TUBGCP4: variants seen among roughly 807,000 people sequenced by gnomAD.
TUBGCP4 encodes the protein gamma-tubulin complex component 4.
Under a neutral mutation model 91.6 loss-of-function variants are expected in TUBGCP4, and 54 were observed. The ratio of observed to expected loss-of-function variants is 0.59; its 90% CI spans 0.47 to 0.74. The LOEUF is 0.74. Ranked by LOEUF, TUBGCP4 falls within the 30% of genes least tolerant of loss-of-function variation. The probability of loss-of-function intolerance (pLI) is 0.00; values close to 1 mark genes in which losing one functional copy is unlikely to be tolerated. For missense variants in TUBGCP4, 593 were observed against 800.9 expected, an observed-to-expected ratio of 0.74 and a Z score of 3.13; for synonymous variants, 297 against 302.8, an observed-to-expected ratio of 0.98 and a Z score of 0.20.
chr15:43,406,446 T>C lies in TUBGCP4; in HGVS notation c.*1232T>C, dbSNP rs1228560965. ...CAGGAGCTGGCAAACTATGGCCTGC[T>C]GTCTGTTTTTGTACAGTTTTACTGA... On this transcript the variant is annotated 3_prime_UTR_variant, in exon 18 of 18. Transcript: ENST00000564079. The C allele has an allele frequency of 5.7e-6, 2 of 352,236 alleles. No homozygotes were observed. Among genetic ancestry groups the C allele is most frequent in the South Asian group, 2.3e-5 (1 of 44,006 alleles). 21.8% of individuals were successfully genotyped at this position (352,236 alleles called of 1,614,324 possible). A position where few individuals can be genotyped will look rare whatever the true frequency, so the allele number is the denominator to read the frequency against.
chr15:43,386,577 T>C (rs2044376911), intron 9 of TUBGCP4, among the ~76,000 whole-genome samples: 1 of 147,858 alleles, frequency 6.8e-6, no homozygotes, highest in Non-Finnish European at 1.5e-5. Flanking sequence ...ATACAAAAAT[T>C]AGTCGGGTGT....
chr15:43,382,802 C>A (rs965791705), intron 6 of TUBGCP4, among the ~76,000 whole-genome samples: 1 of 151,970 alleles, frequency 6.6e-6, no homozygotes, highest in African/African-American at 2.4e-5. Context: ...TATCCTATTC[C>A]CCAACAACCA....
intron 6 of TUBGCP4, among the ~76,000 whole-genome samples, chr15:43,381,474 C>T (rs1488241196): frequency 2.6e-5 from 4 of 152,054 alleles, no homozygotes; most frequent in Admixed American, 1.3e-4. Context: ...CGGTGGCTCA[C>T]GCTTGTAATC....
At position 43,404,503 on chromosome 15, in the gene TUBGCP4, C is replaced by G; in HGVS notation, c.1939C>G (p.Arg647Gly). The change falls in exon 17 of 18, where the codon CGA (arginine) becomes GGA (glycine). Residue 647 changes from arginine to glycine, a missense_variant. By Grantham distance (125) the Arg-to-Gly change is moderately radical (BLOSUM62 -2). Coordinates refer to ENST00000564079, the MANE Select transcript of TUBGCP4 (RefSeq NM_014444.5). ...INSDLAQLLLRLDYNKYYTQA... is the reference protein window; with the variant it reads ...INSDLAQLLLGLDYNKYYTQA... The stretch of plus-strand genomic sequence containing the variant: ...CTCAGATTTGGCTCAACTACTGTTA[C>G]GACTAGATTATAACAAATACTATAC... 1 of 1,614,108 alleles carries G rather than the reference C, an allele frequency of 6.2e-7. No homozygotes were observed. The highest frequency in any genetic ancestry group is 2.2e-5 in the East Asian group (1 of 44,872).
intron 17 of TUBGCP4, chr15:43,404,850 T>C: frequency 4.1e-6 from 2 of 487,192 alleles, no homozygotes; most frequent in Non-Finnish European, 7.3e-6. Context: ...TGATATGAAC[T>C]AGCTGTGCAG....
In TUBGCP4 at chr15:43,408,004, C is replaced by T. The variant is rs746192682; in HGVS notation, c.*2790C>T. The T allele has an allele frequency of 7.9e-5, 128 of 1,613,968 alleles. No homozygotes were observed. The Admixed American group carries it at 1.5e-3, about 20-fold the overall frequency. On this transcript the variant is annotated 3_prime_UTR_variant, in exon 18 of 18. Transcript: ENST00000564079. ...AGGCTGCACCACCAGTCATGAGGATCTCAGACCAGAGCTCCAGGAAGTTCT... is the reference window on the plus strand; with the variant it reads ...AGGCTGCACCACCAGTCATGAGGATTTCAGACCAGAGCTCCAGGAAGTTCT...
At position 43,408,643 on chromosome 15, in the gene TUBGCP4, C is replaced by CTT. The variant is rs1394724281; in HGVS notation, c.*3430_*3431dup. 1 of 473,412 alleles carries CTT rather than the reference C, an allele frequency of 2.1e-6. No homozygotes were observed. Among genetic ancestry groups the CTT allele is most frequent in the Admixed American group, 3.3e-5 (1 of 30,026 alleles). The allele number at this position is 473,412 out of a possible 1,614,324, so 29.3% of individuals were successfully genotyped here. On this transcript the variant is annotated 3_prime_UTR_variant, in exon 18 of 18. Coordinates refer to ENST00000564079, the MANE Select transcript of TUBGCP4 (RefSeq NM_014444.5). The stretch of plus-strand genomic sequence containing the variant: ...ATATATTTTTAATGCTTGCTTAAAA[C>CTT]TTAGTTCTCTGACTTTACAGGTTGA...
In TUBGCP4 at chr15:43,407,795, ACTCAC is replaced by A; in HGVS notation, c.*2585_*2589del. On this transcript the variant is annotated 3_prime_UTR_variant, in exon 18 of 18. Transcript: ENST00000564079. The stretch of plus-strand genomic sequence containing the variant: ...TACGTCCAGTGCTTCACTTATGTTG[ACTCAC>A]CTCTTGAAGGTGGTACTTTTCTTCT... 1.2e-6 allele frequency: 1 copy of A among 856,258 alleles called. No individual in the cohort carries two copies. Among genetic ancestry groups the A allele is most frequent in the Non-Finnish European group, 1.8e-6 (1 of 552,502 alleles). The allele number at this position is 856,258 out of a possible 1,614,324, so 53.0% of individuals were successfully genotyped here. A position where few individuals can be genotyped will look rare whatever the true frequency, so the allele number is the denominator to read the frequency against.
chr15:43,390,281 G>T (rs893960339), intron 9 of TUBGCP4, among the ~76,000 whole-genome samples: 10 of 152,056 alleles, frequency 6.6e-5, no homozygotes, highest in Admixed American at 2.6e-4. Flanking sequence ...ATCTAAGCTA[G>T]ATATTTTTAG....
Position 43,385,832 on chromosome 15 carries a change from G to T in TUBGCP4, c.765G>T (p.Lys255Asn), listed in dbSNP as rs371309743. The change falls in exon 8 of 18, where the codon AAG (lysine) becomes AAT (asparagine). Residue 255 changes from lysine (K) to asparagine (N), a missense_variant. Lys to Asn is a moderately conservative substitution (Grantham distance 94, BLOSUM62 0). Coordinates refer to ENST00000564079, the MANE Select transcript of TUBGCP4 (RefSeq NM_014444.5). The part of the protein sequence containing the change: ...EEENMLAPSL[K>N]QFSLRVEILP... ...AGAACATGCTGGCACCATCTCTGAA[G>T]CAGTTTTCCCTACGAGTGGAGATTT... 5 of 1,614,178 alleles carry T rather than the reference G, an allele frequency of 3.1e-6. No homozygotes were observed. The South Asian group carries it at 3.3e-5, about 11-fold the overall frequency.
At chr15:43,389,384 C>T (rs1439268290) in intron 9 of TUBGCP4, among the ~76,000 whole-genome samples, 3 of 149,902 alleles carry the variant, frequency 2.0e-5, no homozygotes, top group Non-Finnish European at 4.4e-5. Flanking sequence ...AGAGAACTTT[C>T]CTTCTATTTT....
In TUBGCP4 at chr15:43,371,151, C is replaced by T; in HGVS notation, c.-204C>T. 1 of 616,586 alleles carries T rather than the reference C, an allele frequency of 1.6e-6. No homozygotes were observed. The highest frequency in any genetic ancestry group is 2.9e-6 in the Non-Finnish European group (1 of 344,822). 38.2% of individuals were successfully genotyped at this position (616,586 alleles called of 1,614,324 possible). A position where few individuals can be genotyped will look rare whatever the true frequency, so the allele number is the denominator to read the frequency against. On this transcript the variant is annotated 5_prime_UTR_variant, in exon 1 of 18. Transcript: ENST00000564079. ...TAGCTGGTGGACCCCGTTGAGCTGC[C>T]GAACTTCCGGGACTCCCCCGCGACC...
At position 43,397,306 on chromosome 15, in the gene TUBGCP4, G is replaced by A. The variant is rs546424284; in HGVS notation, c.1264G>A (p.Gly422Arg). 8 of 1,613,922 alleles carry A rather than the reference G, an allele frequency of 5.0e-6. No homozygotes were observed. Among genetic ancestry groups the A allele is most frequent in the African/African-American group, 4.0e-5 (3 of 75,034 alleles). ...GTTGCACTTGACAATCGAGTATCAC[G>A]GAAAGGAGCACAAAGGTTTGCCATT... Reference protein sequence around the residue: ...PLLHLTIEYHGKEHKDATQAR... With the variant: ...PLLHLTIEYHRKEHKDATQAR... The change falls in exon 12 of 18, where the codon GGA becomes AGA. Residue 422 changes from glycine to arginine, a missense_variant. Physicochemically the swap from Gly to Arg is moderately radical, Grantham distance 125. Coordinates refer to ENST00000564079, the MANE Select transcript of TUBGCP4 (RefSeq NM_014444.5).
At chr15:43,399,054 G>C in intron 13 of TUBGCP4, 1 of 959,956 alleles carries the variant, frequency 1.0e-6, no homozygotes, top group South Asian at 1.5e-5. Flanking sequence ...TTATGTTTGG[G>C]TTTGTTCAAA....
intron 13 of TUBGCP4, 70 bp downstream of exon 13, chr15:43,398,249 A>G: frequency 6.4e-7 from 1 of 1,553,362 alleles, no homozygotes; most frequent in Non-Finnish European, 8.8e-7. Flanking sequence ...ACTAGCAGGA[A>G]CAGAATTAGT....
intron 1 of TUBGCP4, among the ~76,000 whole-genome samples, chr15:43,375,146 A>G (rs1052551781): frequency 3.9e-5 from 6 of 152,312 alleles, no homozygotes; most frequent in Admixed American, 3.9e-4. Flanking sequence ...CAGGTGATCC[A>G]CCTGCCTCGG....
chr15:43,373,809 C>T (rs973634892), intron 1 of TUBGCP4, among the ~76,000 whole-genome samples: 7 of 152,120 alleles, frequency 4.6e-5, no homozygotes, highest in South Asian at 2.1e-4. Context: ...CCGCCACACC[C>T]GGCTAATTTT....
chr15:43,382,813 T>TA (rs1390195599), intron 6 of TUBGCP4, among the ~76,000 whole-genome samples: 1 of 152,184 alleles, frequency 6.6e-6, no homozygotes, highest in African/African-American at 2.4e-5. Context: ...CCAACAACCA[T>TA]TCTGCATTTT....
chr15:43,375,639 A>G (rs1442338345), intron 1 of TUBGCP4, among the ~76,000 whole-genome samples: 1 of 152,192 alleles, frequency 6.6e-6, no homozygotes, highest in Non-Finnish European at 1.5e-5. Flanking sequence ...TTTTACTGGA[A>G]TGAAAACAAT....
Sources: allele counts gnomAD v4.1 joint callset (sites outside exome capture counted in the v4.1 genomes callset), GRCh38; gene constraint gnomAD v4.1.1; transcripts MANE v1.5; gene names NCBI Gene and HGNC (gene_info 2026-07-23, HGNC 2026-07-21).